The following FCRL2 variants were observed in gnomAD, a reference collection of about 807,000 sequenced individuals.
FCRL2 encodes Fc receptor like 2.
Under a neutral mutation model 59.8 loss-of-function variants are expected in FCRL2, and 48 were observed. That is an observed-to-expected ratio of 0.80 (90% CI 0.64 to 1.02). The LOEUF (loss-of-function observed/expected upper bound fraction) is 1.02. Ranked by LOEUF, FCRL2 falls within the 50% of genes least tolerant of loss-of-function variation. FCRL2 has a pLI of 0.00. For synonymous variants in FCRL2, 251 were observed against 229.5 expected, an observed-to-expected ratio of 1.09 and a Z score of -0.85; for missense variants, 658 against 597.3, an observed-to-expected ratio of 1.10 and a Z score of -1.06.
intron 7 of FCRL2, among the ~76,000 whole-genome samples, chr1:157,763,337 A>G (rs1649246456): frequency 6.6e-6 from 1 of 152,136 alleles, no homozygotes; most frequent in Admixed American, 6.5e-5. Flanking sequence ...AGCCTGGCCA[A>G]CATGGTGAAA....
intron 2 of FCRL2, among the ~76,000 whole-genome samples, chr1:157,773,898 C>T (rs972912732): frequency 6.6e-6 from 1 of 152,046 alleles, no homozygotes; most frequent in Admixed American, 6.5e-5. Context: ...CATGCTGACC[C>T]CCAGAGGGTA....
At position 157,767,224 on chromosome 1, in the gene FCRL2, C is replaced by T. The variant is rs534337950; in HGVS notation, c.1162+7G>A. 23 of 1,607,762 alleles carry T rather than the reference C, an allele frequency of 1.4e-5. No individual in the cohort carries two copies. The African/African-American group carries it at 2.4e-4, about 17-fold the overall frequency. ...TCAAACTCTGTATCCAGGTAACACC[C>T]ACCCACCTGAGATGGAGACTGGCAC... On this transcript the variant is annotated splice_region_variant and intron_variant, in intron 6 of 11. Coordinates refer to ENST00000361516, the MANE Select transcript of FCRL2 (RefSeq NM_030764.4).
rs1647700613 is a variant in FCRL2, at chr1:157,745,796, C to G, written c.*940G>C. On this transcript the variant is annotated 3_prime_UTR_variant, in exon 12 of 12. Transcript: ENST00000361516. ...GTAATATCATAGTTTATTGCAAATACTCATATTTACTATGTCAAAAATCAC... is the reference window on the plus strand; with the variant it reads ...GTAATATCATAGTTTATTGCAAATAGTCATATTTACTATGTCAAAAATCAC... 6.6e-6 allele frequency: 1 copy of G among 152,138 alleles called. No individual in the cohort carries two copies. Among genetic ancestry groups the G allele is most frequent in the South Asian group, 2.1e-4 (1 of 4,824 alleles). The allele number at this position is 152,138 out of a possible 1,614,324, so 9.4% of individuals were successfully genotyped here. A position where few individuals can be genotyped will look rare whatever the true frequency, so the allele number is the denominator to read the frequency against.
chr1:157,773,005 G>A (rs187349476), intron 2 of FCRL2, among the ~76,000 whole-genome samples: 4 of 152,056 alleles, frequency 2.6e-5, no homozygotes, highest in Admixed American at 1.3e-4. Flanking sequence ...GCACCACCTC[G>A]CTCCCTCCCC....
intron 2 of FCRL2, among the ~76,000 whole-genome samples, chr1:157,772,944 G>A (rs1005581640): frequency 6.6e-6 from 1 of 152,020 alleles, no homozygotes; most frequent in African/African-American, 2.4e-5. Flanking sequence ...GCCCACACTG[G>A]TGCCAAGCCA....
chr1:157,774,122 G>A (rs1252997162), intron 2 of FCRL2, among the ~76,000 whole-genome samples: 1 of 152,236 alleles, frequency 6.6e-6, no homozygotes, highest in African/African-American at 2.4e-5. Flanking sequence ...GGTATTCAAA[G>A]CTTTGCAAGG....
intron 7 of FCRL2, among the ~76,000 whole-genome samples, chr1:157,756,675 T>C (rs944916564): frequency 5.1e-5 from 6 of 118,760 alleles, no homozygotes; most frequent in African/African-American, 2.4e-4. Context: ...TGACACTTTG[T>C]CTGGAAAAAA....
intron 5 of FCRL2, chr1:157,767,835 C>A: frequency 1.4e-6 from 1 of 702,052 alleles, no homozygotes; most frequent in South Asian, 3.3e-5. Flanking sequence ...TTTAAGATTT[C>A]TATAATATTA....
intron 5 of FCRL2, chr1:157,767,782 T>C: frequency 8.6e-7 from 1 of 1,165,734 alleles, no homozygotes. Flanking sequence ...TTCATATTTC[T>C]TTTTTTTCTT....
intron 9 of FCRL2, 74 bp downstream of exon 9, chr1:157,748,801 C>T: frequency 6.9e-7 from 1 of 1,442,676 alleles, no homozygotes; most frequent in Non-Finnish European, 9.7e-7. Context: ...CACCACCCAC[C>T]TAATGGTCTC....
intron 7 of FCRL2, among the ~76,000 whole-genome samples, chr1:157,760,780 AGGAAGGAAGGAG>A (rs1444361891): frequency 3.4e-5 from 5 of 146,330 alleles, no homozygotes; most frequent in African/African-American, 1.1e-4. Context: ...AAAGAAAGGA[AGGAAGGAAGGAG>A]GGAAGGAAGG....
chr1:157,768,493 A>G lies in FCRL2; in HGVS notation c.804T>C (p.Ser268=), dbSNP rs573003891. The change falls in exon 5 of 12, where the codon AGT becomes AGC. Residue 268 remains serine (S), a synonymous_variant. Transcript: ENST00000361516. ...AELEIPAVKE[S]DAGKYYCRAD... is the part of the protein sequence containing the mutation. ...CTCTACAGTAATATTTGCCGGCATC[A>G]CTCTCTTTCACAGCTGGGATCTCCA... The G allele has an allele frequency of 1.4e-5, 23 of 1,614,048 alleles. No homozygotes were observed. The African/African-American group carries it at 2.3e-4, about 16-fold the overall frequency.
intron 7 of FCRL2, among the ~76,000 whole-genome samples, chr1:157,760,713 A>AAG (rs1648995496): frequency 6.9e-6 from 1 of 145,566 alleles, no homozygotes; most frequent in Non-Finnish European, 1.5e-5. Context: ...GAAAGAAAGA[A>AAG]AGAAAGAAAG....
intron 7 of FCRL2, among the ~76,000 whole-genome samples, chr1:157,762,750 C>T (rs147026140): frequency 6.6e-4 from 100 of 151,756 alleles, no homozygotes; most frequent in African/African-American, 2.3e-3. Context: ...ACAAAAGATA[C>T]ACTCCAACCT....
At chr1:157,760,719 GAAA>G (rs1648998430) in intron 7 of FCRL2, among the ~76,000 whole-genome samples, 1 of 138,784 alleles carries the variant, frequency 7.2e-6, no homozygotes, top group African/African-American at 2.7e-5. Context: ...AAGAAAGAAA[GAAA>G]GAAAGAAAGA....
intron 7 of FCRL2, among the ~76,000 whole-genome samples, chr1:157,752,438 T>C (rs897489877): frequency 2.0e-5 from 3 of 152,186 alleles, no homozygotes; most frequent in South Asian, 4.1e-4. Flanking sequence ...GAACTATAAG[T>C]CCAATTAAAC....
At position 157,749,673 on chromosome 1, in the gene FCRL2, T is replaced by A; in HGVS notation, c.1284A>T (p.Glu428Asp). The A allele has an allele frequency of 6.2e-7, 1 of 1,607,878 alleles. No homozygotes were observed. The highest frequency in any genetic ancestry group is 8.5e-7 in the Non-Finnish European group (1 of 1,176,160). ...ACCTGGGTTCATTAGTGGCAGAACT[T>A]TCTCCTGAAATGCAAATAAAACAAA... Reference protein sequence around the residue: ...LYALFHKISGESSATNEPRGA... With the variant: ...LYALFHKISGDSSATNEPRGA... The change falls in exon 8 of 12, where the codon GAA (glutamate) becomes GAT (aspartate). Residue 428 changes from glutamate (E) to aspartate (D), a missense_variant. Physicochemically the swap from Glu to Asp is conservative, Grantham distance 45. Transcript: ENST00000361516.
Position 157,766,859 on chromosome 1 carries a change from T to C in FCRL2, c.1275A>G (p.Ile425Met), listed in dbSNP as rs202079887. The stretch of plus-strand genomic sequence containing the variant: ...AATCCAAATGGTAGATACAACCTGA[T>C]ATCTTGTGGAACAAGGCATACAACA... ...ALLLYALFHKISGESSATNEP... is the reference protein window; with the variant it reads ...ALLLYALFHKMSGESSATNEP... Residue 425 changes from isoleucine (I) to methionine (M), a missense_variant, in exon 7 of 12, where the codon ATA becomes ATG. Physicochemically the swap from Ile to Met is conservative, Grantham distance 10. Coordinates refer to ENST00000361516, the MANE Select transcript of FCRL2 (RefSeq NM_030764.4). 1.9e-6 allele frequency: 3 copies of C among 1,614,144 alleles called. No homozygotes were observed. Among genetic ancestry groups the C allele is most frequent in the Admixed American group, 1.7e-5 (1 of 60,026 alleles).
chr1:157,761,184 A>G (rs747790875), intron 7 of FCRL2, among the ~76,000 whole-genome samples: 1 of 152,200 alleles, frequency 6.6e-6, no homozygotes, highest in African/African-American at 2.4e-5. Flanking sequence ...TGGGAGGAGA[A>G]TAGGTAAAGC....
Sources: allele counts gnomAD v4.1 joint callset (sites outside exome capture counted in the v4.1 genomes callset), GRCh38; gene constraint gnomAD v4.1.1; transcripts MANE v1.5; gene names NCBI Gene and HGNC (gene_info 2026-07-23, HGNC 2026-07-21).